The following SECISBP2 variants were observed in gnomAD, a reference collection of about 807,000 sequenced individuals.
SECISBP2 encodes selenocysteine insertion sequence-binding protein 2.
Under a neutral mutation model 98.2 loss-of-function variants are expected in SECISBP2, and 96 were observed. That is an observed-to-expected ratio of 0.98 (90% CI 0.83 to 1.16). The LOEUF (loss-of-function observed/expected upper bound fraction) is 1.16, where lower values mean the gene tolerates loss of function less well. Among genes scored for constraint, SECISBP2 ranks in the 50% most tolerant of loss-of-function variants. The pLI is 0.00. For synonymous variants in SECISBP2, 407 were observed against 370.2 expected (o/e 1.10, Z -1.14); for missense variants, 1,046 against 1,022.9 (o/e 1.02, Z -0.31).
At chr9:89,354,785 G>C in intron 14 of SECISBP2, 1 of 985,442 alleles carries the variant, frequency 1.0e-6, no homozygotes. Flanking sequence ...TAACATTTCA[G>C]ATTCACTCCC....
chr9:89,339,768 G>A (rs1321542905), intron 8 of SECISBP2, 96 bp from the exon 9 acceptor site: 3 of 878,492 alleles, frequency 3.4e-6, no homozygotes, highest in Non-Finnish European at 3.9e-6. Context: ...CACTTTTAAG[G>A]GACCTTACTG....
chr9:89,350,987 T>C (rs1392232162), intron 14 of SECISBP2, 135 bp downstream of exon 14: 1 of 765,002 alleles, frequency 1.3e-6, no homozygotes, highest in African/African-American at 1.7e-5. Context: ...TTTGTTTTTA[T>C]TGAGTAACTG....
chr9:89,357,871 C>T (rs1832336431), intron 15 of SECISBP2, 128 bp from the exon 16 acceptor site: 1 of 1,076,852 alleles, frequency 9.3e-7, no homozygotes, highest in Non-Finnish European at 1.4e-6. Flanking sequence ...GGTACCCACC[C>T]ATAAGCATGA....
chr9:89,353,306 C>T lies in SECISBP2; in HGVS notation c.2113+2454C>T, dbSNP rs568670026. ...TGGGCTGCTTCCATGTTGGAAGTGC[C>T]CCTGGGTGTCTCTGTCTCCCCTAGG... On this transcript the variant is annotated intron_variant, in intron 14 of 16. Transcript: ENST00000375807. Among the ~76,000 whole-genome samples, 64 of 152,242 alleles carry T rather than the reference C, an allele frequency of 4.2e-4. 2 individuals are homozygous for T. In the South Asian group the frequency reaches 0.013, roughly 31 times the overall value.
At chr9:89,351,445 G>A (rs1241507027) in intron 14 of SECISBP2, among the ~76,000 whole-genome samples, 4 of 152,158 alleles carry the variant, frequency 2.6e-5, no homozygotes, top group African/African-American at 4.8e-5. Context: ...ACTTGCCTGT[G>A]TTGTGTCCTC....
chr9:89,318,729 G>C, intron 1 of SECISBP2, 117 bp downstream of exon 1: 1 of 1,243,186 alleles, frequency 8.0e-7, no homozygotes, highest in Non-Finnish European at 1.0e-6. Context: ...TGCTGGTGAC[G>C]GCACGGGAGC....
chr9:89,332,965 A>C lies in SECISBP2; in HGVS notation c.859A>C (p.Asn287His). 1 of 1,613,914 alleles carries C rather than the reference A, an allele frequency of 6.2e-7. No homozygotes were observed. The highest frequency in any genetic ancestry group is 8.5e-7 in the Non-Finnish European group (1 of 1,179,878). Residue 287 changes from asparagine (N) to histidine (H), a missense_variant, in exon 6 of 17, where the codon AAT becomes CAT. By Grantham distance (68) the Asn-to-His change is moderately conservative (BLOSUM62 1). Transcript: ENST00000375807. ...ATCTGTAACTGCTAATGCCGCTACCAATTCTCCTTCATGTACAAGAGGTAA... is the reference window on the plus strand; with the variant it reads ...ATCTGTAACTGCTAATGCCGCTACCCATTCTCCTTCATGTACAAGAGGTAA... ...NESVTANAATNSPSCTRELSW... is the reference protein window; with the variant it reads ...NESVTANAATHSPSCTRELSW...
intron 8 of SECISBP2, 108 bp downstream of exon 8, chr9:89,338,688 A>C: frequency 8.3e-7 from 1 of 1,198,564 alleles, no homozygotes. Context: ...AGGGCTTTTT[A>C]ATGATCATTT....
chr9:89,366,339 C>A, the SECISBP2 span, among the ~76,000 whole-genome samples: 3 of 152,070 alleles, frequency 2.0e-5, no homozygotes, highest in African/African-American at 7.2e-5. Context: ...AAACTTATAA[C>A]AAACAAGCAT....
intron 14 of SECISBP2, among the ~76,000 whole-genome samples, chr9:89,355,874 G>T (rs1042207330): frequency 1.3e-5 from 2 of 152,128 alleles, no homozygotes; most frequent in African/African-American, 2.4e-5. Context: ...TCAAACTCCG[G>T]TTTTTTCTGG....
chr9:89,349,692 A>G (rs1344555006), intron 12 of SECISBP2, 84 bp from the exon 13 acceptor site: 1 of 1,441,378 alleles, frequency 6.9e-7, no homozygotes, highest in Non-Finnish European at 9.8e-7. Flanking sequence ...GTCTGGTTGC[A>G]TCGGTGAGAC....
At chr9:89,366,780 GAACA>G in the SECISBP2 span, among the ~76,000 whole-genome samples, 1 of 152,072 alleles carries the variant, frequency 6.6e-6, no homozygotes, top group Non-Finnish European at 1.5e-5. Context: ...ACTTTTCTTT[GAACA>G]GACAGTGAAG....
Position 89,355,224 on chromosome 9 carries a change from A to C in SECISBP2, c.2114-2187A>C, listed in dbSNP as rs929270002. ...GTAGATTCCAGGTGATACTATGCTA[A>C]TTGTAAACAGTTGTTGTTTTTTACA... On this transcript the variant is annotated intron_variant, in intron 14 of 16. Transcript: ENST00000375807. The C allele has an allele frequency of 6.1e-6, 6 of 985,332 alleles. No individual in the cohort carries two copies. The African/African-American group carries it at 8.7e-5, about 14-fold the overall frequency. 61.0% of individuals were successfully genotyped at this position (985,332 alleles called of 1,614,324 possible). A position where few individuals can be genotyped will look rare whatever the true frequency, so the allele number is the denominator to read the frequency against.
At chr9:89,344,437 T>G (rs1316178119) in intron 10 of SECISBP2, among the ~76,000 whole-genome samples, 1 of 152,234 alleles carries the variant, frequency 6.6e-6, no homozygotes, top group Non-Finnish European at 1.5e-5. Context: ...TTTTTATAGT[T>G]CTGGGTTTTA....
chr9:89,347,119 A>G, intron 11 of SECISBP2, 71 bp downstream of exon 11: 1 of 1,503,608 alleles, frequency 6.7e-7, no homozygotes, highest in African/African-American at 1.4e-5. Flanking sequence ...TTATTCTCCC[A>G]GCTCTTAGAT....
At chr9:89,355,421 T>C (rs1032008910) in intron 14 of SECISBP2, 41 of 982,036 alleles carry the variant, frequency 4.2e-5, no homozygotes, top group Non-Finnish European at 3.6e-5. Flanking sequence ...AGTTTTCTTA[T>C]GAGGGAGGGT....
intron 2 of SECISBP2, among the ~76,000 whole-genome samples, chr9:89,320,588 CT>C (rs768231059): frequency 2.0e-5 from 3 of 152,084 alleles, no homozygotes; most frequent in Non-Finnish European, 2.9e-5. Context: ...AAATTGTTGA[CT>C]TTTGCTTTCC....
At chr9:89,327,707 C>T (rs182862051) in intron 4 of SECISBP2, among the ~76,000 whole-genome samples, 6 of 152,274 alleles carry the variant, frequency 3.9e-5, no homozygotes, top group African/African-American at 1.4e-4. Context: ...CAGTAACATG[C>T]GTGGAGCTGT....
rs763829903 is a variant in SECISBP2 at position 89,341,458 on chromosome 9, T to C, written c.1414T>C (p.Ser472Pro). Residue 472 changes from serine to proline, a missense_variant, in exon 10 of 17, where the codon TCC (serine) becomes CCC (proline). By Grantham distance (74) the Ser-to-Pro change is moderately conservative. Transcript: ENST00000375807. ...KQHSQHAKQS[S>P]KPVVVSVGAV... ...GCACTCTCAGCATGCAAAGCAGTCC[T>C]CCAAACCAGTGGTAGTCTCAGGTAA... 1.2e-5 allele frequency: 20 copies of C among 1,614,040 alleles called. No individual in the cohort carries two copies. The South Asian group carries it at 2.2e-4, about 18-fold the overall frequency.
Sources: gnomAD v4.1 joint callset for allele counts (sites outside exome capture counted in the v4.1 genomes callset) on GRCh38, gnomAD v4.1.1 for gene constraint, MANE v1.5 for transcripts, NCBI Gene and HGNC (gene_info 2026-07-23, HGNC 2026-07-21) for gene names.